RNLS: variants seen among roughly 807,000 people sequenced by gnomAD.
The protein encoded by RNLS is renalase, FAD dependent amine oxidase.
Under a neutral mutation model 39.8 loss-of-function variants are expected in RNLS, and 39 were observed. The observed-to-expected ratio is 0.98, with a 90% CI of 0.76 to 1.28. RNLS has a LOEUF of 1.28. Among genes scored for constraint, RNLS ranks in the 50% most tolerant of loss-of-function variants. The pLI is 0.00. For missense variants in RNLS, 410 were observed against 413.3 expected (o/e 0.99, Z 0.07); for synonymous variants, 147 against 150.7 (o/e 0.98, Z 0.18).
At chr10:88,311,721 T>G (rs554493384) in intron 6 of RNLS, among the ~76,000 whole-genome samples, 143 of 152,312 alleles carry the variant, frequency 9.4e-4, no homozygotes, top group African/African-American at 3.1e-3. Flanking sequence ...AGCAGAGTAC[T>G]AGCCATATTG....
At chr10:88,543,842 A>G (rs1207777887) in intron 4 of RNLS, among the ~76,000 whole-genome samples, 2 of 152,160 alleles carry the variant, frequency 1.3e-5, no homozygotes, top group Non-Finnish European at 2.9e-5. Flanking sequence ...AATAAAATAT[A>G]TATTATTTGC....
chr10:88,565,287 A>G lies in RNLS; in HGVS notation c.526+7616T>C, dbSNP rs1185014979. ...TATATTTCACACACTAGATGGCAAT[A>G]TATGGCTTTGTAAGTGGATGTCTTT... On this transcript the variant is annotated intron_variant, in intron 4 of 6. Transcript: ENST00000331772. Among the ~76,000 whole-genome samples, 6 of 152,126 alleles carry G rather than the reference A, an allele frequency of 3.9e-5. No individual in the cohort carries two copies. The East Asian group carries it at 1.2e-3, about 29-fold the overall frequency.
rs746715881 is a variant in RNLS at position 88,275,006 on chromosome 10, TC to T, written c.902del (p.Gly301AspfsTer8). 1 of 1,613,322 alleles carries T rather than the reference TC, an allele frequency of 6.2e-7. No individual in the cohort carries two copies. Among genetic ancestry groups the T allele is most frequent in the South Asian group, 1.1e-5 (1 of 91,054 alleles). On this transcript the variant is annotated frameshift_variant, in exon 7 of 7. Coordinates refer to the RNLS transcript ENST00000371947. LOFTEE classifies it high-confidence loss of function. ...CCATCATCCAGGGGCTCTTCGCACA[TC>T]CTAGAATCACACCAGCACTTGGTAC...
At chr10:88,511,262 C>T (rs12413139) in intron 4 of RNLS, among the ~76,000 whole-genome samples, 29,382 of 151,918 alleles carry the variant, frequency 0.19, 3,154 homozygotes, top group Middle Eastern at 0.3. Flanking sequence ...CAGGCGATGA[C>T]AGCAGCTCTC....
intron 4 of RNLS, among the ~76,000 whole-genome samples, chr10:88,464,991 T>A (rs1843124467): frequency 6.6e-6 from 1 of 152,120 alleles, no homozygotes; most frequent in Non-Finnish European, 1.5e-5. Flanking sequence ...CCACTAGCCA[T>A]GGCTTGGGCA....
chr10:88,421,517 C>T (rs1854409093), intron 4 of RNLS, among the ~76,000 whole-genome samples: 1 of 152,118 alleles, frequency 6.6e-6, no homozygotes, highest in Non-Finnish European at 1.5e-5. Flanking sequence ...ATTTCACTGC[C>T]ATCTCCCTGG....
At chr10:88,346,549 A>G (rs768210006) in intron 5 of RNLS, among the ~76,000 whole-genome samples, 5 of 152,176 alleles carry the variant, frequency 3.3e-5, no homozygotes, top group South Asian at 2.1e-4. Context: ...GGTAGTGGTA[A>G]CAGACATCTA....
At chr10:88,389,526 CATTT>C (rs904216485) in intron 4 of RNLS, among the ~76,000 whole-genome samples, 4 of 151,410 alleles carry the variant, frequency 2.6e-5, no homozygotes, top group African/African-American at 9.7e-5. Context: ...TAATTACATT[CATTT>C]GTTTCAATAT....
At chr10:88,375,039 T>A (rs1410341564) in intron 4 of RNLS, among the ~76,000 whole-genome samples, 3 of 152,138 alleles carry the variant, frequency 2.0e-5, no homozygotes, top group African/African-American at 7.2e-5. Context: ...AGTATATATA[T>A]CCTTTTAAAA....
chr10:88,387,787 T>C (rs1338400534), intron 4 of RNLS, among the ~76,000 whole-genome samples: 1 of 152,156 alleles, frequency 6.6e-6, no homozygotes, highest in Admixed American at 6.5e-5. Context: ...AGAGTTGTCC[T>C]GTAGGACAGA....
At chr10:88,304,401 G>A (rs1174162288) in intron 6 of RNLS, among the ~76,000 whole-genome samples, 2 of 152,144 alleles carry the variant, frequency 1.3e-5, no homozygotes, top group African/African-American at 4.8e-5. Context: ...GAAGAACACT[G>A]AGCTTCATGT....
chr10:88,322,736 T>C (rs918783567), intron 5 of RNLS, among the ~76,000 whole-genome samples: 1 of 152,170 alleles, frequency 6.6e-6, no homozygotes, highest in African/African-American at 2.4e-5. Context: ...GACAAGGATG[T>C]CTACTCTCAT....
At chr10:88,483,701 T>C (rs1844336659) in intron 4 of RNLS, among the ~76,000 whole-genome samples, 1 of 152,126 alleles carries the variant, frequency 6.6e-6, no homozygotes, top group Non-Finnish European at 1.5e-5. Context: ...TGGTTTCCAT[T>C]TCTTTGCTTG....
Position 88,451,138 on chromosome 10 carries a change from A to G in RNLS, c.527-88413T>C, listed in dbSNP as rs535040074. On this transcript the variant is annotated intron_variant, in intron 4 of 6. Coordinates refer to ENST00000331772, the MANE Select transcript of RNLS (RefSeq NM_001031709.3). ...CAAAGATGAGGGGCATAGACCCTTCAGGACTTAAGCAGTCTGAGTGGCATT... is the reference window on the plus strand; with the variant it reads ...CAAAGATGAGGGGCATAGACCCTTCGGGACTTAAGCAGTCTGAGTGGCATT... Among the ~76,000 whole-genome samples the G allele has an allele frequency of 3.3e-5, 5 of 152,348 alleles. No individual in the cohort carries two copies. The East Asian group carries it at 9.6e-4, about 29-fold the overall frequency.
At chr10:88,190,524 G>A in the RNLS span, among the ~76,000 whole-genome samples, 2 of 152,316 alleles carry the variant, frequency 1.3e-5, no homozygotes, top group East Asian at 3.9e-4. Context: ...TCCTCTTCCT[G>A]TTGGTAGTAA....
chr10:88,222,194 AG>A, the RNLS span, among the ~76,000 whole-genome samples: 66 of 152,296 alleles, frequency 4.3e-4, no homozygotes, highest in African/African-American at 1.5e-3. Flanking sequence ...GATTGTGACA[AG>A]GGAAGTCTGG....
rs558243421 is a variant in RNLS at position 88,496,815 on chromosome 10, A to C, written c.526+76088T>G. On this transcript the variant is annotated intron_variant, in intron 4 of 6. Transcript: ENST00000331772. ...TGATATGCAGCCAGAGAAGGTTTCA[A>C]GTTTGAGAACTATAATCTACTTAGT... Among the ~76,000 whole-genome samples, 3 of 152,234 alleles carry C rather than the reference A, an allele frequency of 2.0e-5. No homozygotes were observed. The East Asian group carries it at 5.8e-4, about 29-fold the overall frequency.
intron 5 of RNLS, among the ~76,000 whole-genome samples, chr10:88,351,351 T>C (rs1227325294): frequency 6.6e-6 from 1 of 152,250 alleles, no homozygotes; most frequent in Non-Finnish European, 1.5e-5. Context: ...TCTATGGTTT[T>C]TATGGTTTTA....
chr10:88,392,635 A>T (rs1391641345), intron 4 of RNLS, among the ~76,000 whole-genome samples: 1 of 152,220 alleles, frequency 6.6e-6, no homozygotes, highest in African/African-American at 2.4e-5. Context: ...AGCTCAAACA[A>T]AACAAGCACC....
Sources: allele counts gnomAD v4.1 joint callset (sites outside exome capture counted in the v4.1 genomes callset), GRCh38; gene constraint gnomAD v4.1.1; transcripts MANE v1.5; gene names NCBI Gene and HGNC (gene_info 2026-07-23, HGNC 2026-07-21).